ZNF774: variants seen among roughly 807,000 people sequenced by gnomAD.
ZNF774 encodes the protein zinc finger protein 774.
Under a neutral mutation model 11.1 loss-of-function variants are expected in ZNF774, and 14 were observed. That is an observed-to-expected ratio of 1.26 (90% confidence interval 0.83 to 1.97). The LOEUF is 1.97. Ranked by LOEUF, ZNF774 falls within the 30% of genes most tolerant of loss-of-function variation. The pLI, the probability that ZNF774 is intolerant of heterozygous loss-of-function variation, is 0.00. For missense variants in ZNF774, 599 were observed against 587.0 expected (o/e 1.02, Z -0.21); for synonymous variants, 195 against 212.6 (o/e 0.92, Z 0.72).
In ZNF774 at chr15:90,356,899, C is replaced by T. The variant is rs894386152; in HGVS notation, c.105-1952C>T. On this transcript the variant is annotated intron_variant, in intron 2 of 3. Transcript: ENST00000354377. ...GGAGGATCCCTTCAGCACAGGAGTT[C>T]GAGGCTGCAGTGAGCTATATAATTA... Among the ~76,000 whole-genome samples the T allele has an allele frequency of 3.9e-5, 6 of 151,934 alleles. No homozygotes were observed. In the South Asian group the frequency reaches 1.0e-3, roughly 26 times the overall value.
Position 90,361,563 on chromosome 15 carries a change from G to A in ZNF774, c.*280G>A. 1 of 1,112,386 alleles carries A rather than the reference G, an allele frequency of 9.0e-7. No individual in the cohort carries two copies. Among genetic ancestry groups the A allele is most frequent in the Non-Finnish European group, 1.1e-6 (1 of 907,376 alleles). 68.9% of individuals were successfully genotyped at this position (1,112,386 alleles called of 1,614,324 possible). On this transcript the variant is annotated 3_prime_UTR_variant, in exon 4 of 4. Transcript: ENST00000354377. ...GTGGTGGCTCACCCCTGTAATCCCAGCACTTTTGGGAGGCCAAGGTGGGTG... is the reference window on the plus strand; with the variant it reads ...GTGGTGGCTCACCCCTGTAATCCCAACACTTTTGGGAGGCCAAGGTGGGTG...
At chr15:90,357,184 T>G (rs965648803) in intron 2 of ZNF774, among the ~76,000 whole-genome samples, 1 of 152,116 alleles carries the variant, frequency 6.6e-6, no homozygotes, top group Admixed American at 6.5e-5. Context: ...TTTCTTTATA[T>G]TCTACCTTTC....
chr15:90,359,945 G>T, intron 3 of ZNF774, 98 bp from the exon 4 acceptor site: 1 of 1,352,514 alleles, frequency 7.4e-7, no homozygotes, highest in South Asian at 1.5e-5. Context: ...AGTGCAGTCT[G>T]CTGCAGAAAC....
intron 2 of ZNF774, chr15:90,355,247 C>A: frequency 2.2e-6 from 1 of 452,634 alleles, no homozygotes; most frequent in African/African-American, 2.0e-5. Context: ...AAAACAATTA[C>A]TTCCTTATGC....
rs769609631 is a variant in ZNF774 at position 90,360,747 on chromosome 15, T to C, written c.916T>C (p.Leu306=). 6.8e-6 allele frequency: 11 copies of C among 1,614,096 alleles called. No individual in the cohort carries two copies. The highest frequency in any genetic ancestry group is 2.7e-5 in the African/African-American group (2 of 75,006). ...GGAGAGTTTTAGCCAGAGCTCGGATTTGATTAAGCACCAACGAACCCACAC... is the reference window on the plus strand; with the variant it reads ...GGAGAGTTTTAGCCAGAGCTCGGATCTGATTAAGCACCAACGAACCCACAC... ...CGESFSQSSD[L]IKHQRTHTGE... is the part of the protein sequence containing the mutation. The change falls in exon 4 of 4, where the codon TTG becomes CTG. Residue 306 remains leucine, a synonymous_variant. Coordinates refer to ENST00000354377, the MANE Select transcript of ZNF774 (RefSeq NM_001004309.3).
rs1158191239 is a variant in ZNF774 at position 90,360,242 on chromosome 15, G to T, written c.411G>T (p.Arg137Ser). ...AGCTGGAGTCCTTTTCACAGGAGAG[G>T]GATTTAAACAAGCTCCTGGATGGAT... Reference protein sequence around the residue: ...EGQLESFSQERDLNKLLDGYV... With the variant: ...EGQLESFSQESDLNKLLDGYV... Residue 137 changes from arginine to serine, a missense_variant, in exon 4 of 4, where the codon AGG becomes AGT. Arg to Ser is a moderately radical substitution (Grantham distance 110). Transcript: ENST00000354377. 6.2e-7 allele frequency: 1 copy of T among 1,614,044 alleles called. No individual in the cohort carries two copies. The highest frequency in any genetic ancestry group is 8.5e-7 in the Non-Finnish European group (1 of 1,180,052).
Position 90,358,887 on chromosome 15 carries a change from G to A in ZNF774, c.141G>A (p.Gln47=). Residue 47 remains glutamine, a synonymous_variant, in exon 3 of 4, where the codon CAG becomes CAA. Coordinates refer to ENST00000354377, the MANE Select transcript of ZNF774 (RefSeq NM_001004309.3). The part of the protein sequence containing the change: ...SRPSVISQPE[Q]KEEPWVLPLQ... Reference sequence around the variant, plus strand: ...CTAGTGTAATCTCCCAGCCGGAGCAGAAAGAAGAGCCATGGGTCCTACCAC... The same window carrying A: ...CTAGTGTAATCTCCCAGCCGGAGCAAAAAGAAGAGCCATGGGTCCTACCAC... 1.9e-6 allele frequency: 3 copies of A among 1,613,500 alleles called. No homozygotes were observed. Among genetic ancestry groups the A allele is most frequent in the Non-Finnish European group, 2.5e-6 (3 of 1,179,648 alleles).
At chr15:90,352,694 GAGA>G (rs1964189732) in intron 1 of ZNF774, among the ~76,000 whole-genome samples, 1 of 152,154 alleles carries the variant, frequency 6.6e-6, no homozygotes, top group South Asian at 2.1e-4. Flanking sequence ...CGCGAGCACC[GAGA>G]AGAAGAACGG....
Position 90,360,758 on chromosome 15 carries a change from C to A in ZNF774, c.927C>A (p.His309Gln). ...SFSQSSDLIK[H>Q]QRTHTGERPF... ...GCCAGAGCTCGGATTTGATTAAGCA[C>A]CAACGAACCCACACGGGAGAACGGC... Residue 309 changes from histidine (H) to glutamine (Q), a missense_variant, in exon 4 of 4, where the codon CAC becomes CAA. By Grantham distance (24) the His-to-Gln change is conservative (BLOSUM62 0). Coordinates refer to ENST00000354377, the MANE Select transcript of ZNF774 (RefSeq NM_001004309.3). 1 of 1,614,172 alleles carries A rather than the reference C, an allele frequency of 6.2e-7. No homozygotes were observed. Among genetic ancestry groups the A allele is most frequent in the South Asian group, 1.1e-5 (1 of 91,082 alleles).
chr15:90,361,077 T>C lies in ZNF774; in HGVS notation c.1246T>C (p.Ser416Pro). ...GECGKSFNQS[S>P]HFITHQRIHL... ...GTGTGGGAAGAGCTTCAATCAGAGC[T>C]CCCACTTTATTACCCATCAGCGAAT... The change falls in exon 4 of 4, where the codon TCC becomes CCC. Residue 416 changes from serine (S) to proline (P), a missense_variant. Transcript: ENST00000354377. 8.1e-6 allele frequency: 13 copies of C among 1,614,000 alleles called. No individual in the cohort carries two copies. Among genetic ancestry groups the C allele is most frequent in the South Asian group, 1.1e-5 (1 of 91,072 alleles).
chr15:90,354,863 C>G, intron 2 of ZNF774, 99 bp downstream of exon 2: 1 of 948,148 alleles, frequency 1.1e-6, no homozygotes, highest in Non-Finnish European at 1.6e-6. Context: ...GGCGCGATCT[C>G]GATTCACTGC....
At position 90,358,358 on chromosome 15, in the gene ZNF774, G is replaced by T. The variant is rs1567101358; in HGVS notation, c.105-493G>T. Among the ~76,000 whole-genome samples, 3 of 152,190 alleles carry T rather than the reference G, an allele frequency of 2.0e-5. No homozygotes were observed. The East Asian group carries it at 5.8e-4, about 29-fold the overall frequency. ...GCCTCAGTGTATCATTGTTATAATG[G>T]AATTTCTTTGATTATAGTGAGGTTA... On this transcript the variant is annotated intron_variant, in intron 2 of 3. Coordinates refer to ENST00000354377, the MANE Select transcript of ZNF774 (RefSeq NM_001004309.3).
Position 90,362,631 on chromosome 15 carries a change from T to C in ZNF774, c.*1348T>C. On this transcript the variant is annotated 3_prime_UTR_variant, in exon 4 of 4. Coordinates refer to ENST00000354377, the MANE Select transcript of ZNF774 (RefSeq NM_001004309.3). ...AAGTGTGTTGGAAAGAACACCGACT[T>C]CATTGAGAAGGTAAAGTATTTGAGT... 1 of 1,496,808 alleles carries C rather than the reference T, an allele frequency of 6.7e-7. No homozygotes were observed. The highest frequency in any genetic ancestry group is 1.2e-5 in the South Asian group (1 of 83,268). The allele number at this position is 1,496,808 out of a possible 1,614,324, so 92.7% of individuals were successfully genotyped here.
rs1041662422 is a variant in ZNF774, at chr15:90,361,097, G to A, written c.1266G>A (p.Gln422=). The A allele has an allele frequency of 1.2e-6, 2 of 1,614,052 alleles. No individual in the cohort carries two copies. Among genetic ancestry groups the A allele is most frequent in the Non-Finnish European group, 1.7e-6 (2 of 1,180,040 alleles). The change falls in exon 4 of 4, where the codon CAG becomes CAA. Residue 422 remains glutamine, a synonymous_variant. Coordinates refer to ENST00000354377, the MANE Select transcript of ZNF774 (RefSeq NM_001004309.3). ...FNQSSHFITH[Q]RIHLGDRPYR... ...AGAGCTCCCACTTTATTACCCATCA[G>A]CGAATCCACTTAGGAGACAGGCCCT...
intron 2 of ZNF774, among the ~76,000 whole-genome samples, chr15:90,356,841 G>A (rs934845859): frequency 6.6e-6 from 1 of 151,994 alleles, no homozygotes; most frequent in African/African-American, 2.4e-5. Flanking sequence ...TATAAAAATA[G>A]CAATTGCCTG....
At chr15:90,355,669 G>C (rs900963799) in intron 2 of ZNF774, among the ~76,000 whole-genome samples, 5 of 142,586 alleles carry the variant, frequency 3.5e-5, no homozygotes, top group African/African-American at 1.3e-4. Context: ...GTTGCAGTGA[G>C]CTGAGACCAC....
Position 90,354,630 on chromosome 15 carries a change from C to T in ZNF774, c.-19-12C>T, listed in dbSNP as rs995282740. 1 of 1,541,650 alleles carries T rather than the reference C, an allele frequency of 6.5e-7. No individual in the cohort carries two copies. Among genetic ancestry groups the T allele is most frequent in the African/African-American group, 1.4e-5 (1 of 73,480 alleles). ...GGGAGCTACTGATGCACATTGAGGTCTCTTGCTTTAGGAACTGATGACGCT... is the reference window on the plus strand; with the variant it reads ...GGGAGCTACTGATGCACATTGAGGTTTCTTGCTTTAGGAACTGATGACGCT... On this transcript the variant is annotated splice_polypyrimidine_tract_variant and intron_variant, in intron 1 of 3. Transcript: ENST00000354377.
In ZNF774 at chr15:90,361,388, C is replaced by T; in HGVS notation, c.*105C>T. On this transcript the variant is annotated 3_prime_UTR_variant, in exon 4 of 4. Transcript: ENST00000354377. The stretch of plus-strand genomic sequence containing the variant: ...TGGGCGTCAGTGGCTCAATTTGGGC[C>T]CTGATCTATTCTCCCTCTTTCTTGT... 1 of 1,499,356 alleles carries T rather than the reference C, an allele frequency of 6.7e-7. No homozygotes were observed. The highest frequency in any genetic ancestry group is 8.8e-7 in the Non-Finnish European group (1 of 1,134,164). 92.9% of individuals were successfully genotyped at this position (1,499,356 alleles called of 1,614,324 possible).
intron 3 of ZNF774, 151 bp from the exon 4 acceptor site, chr15:90,359,892 C>G: frequency 2.4e-6 from 2 of 823,892 alleles, no homozygotes; most frequent in Non-Finnish European, 3.7e-6. Context: ...CTCAATGAAC[C>G]TCAATAAACT....
Sources: gnomAD v4.1 joint callset for allele counts (sites outside exome capture counted in the v4.1 genomes callset) on GRCh38, gnomAD v4.1.1 for gene constraint, MANE v1.5 for transcripts, NCBI Gene and HGNC (gene_info 2026-07-23, HGNC 2026-07-21) for gene names.